FNTB: variants seen among roughly 807,000 people sequenced by gnomAD.
FNTB encodes protein farnesyltransferase subunit beta.
In FNTB, 27 loss-of-function variants were observed where a neutral mutation model predicts 59.4. The observed-to-expected ratio is 0.45, with a 90% CI of 0.34 to 0.63. FNTB has a LOEUF of 0.63. FNTB is among the 20% of genes least tolerant of loss of function. The pLI is 0.02. For missense variants in FNTB, 449 were observed against 559.6 expected, an observed-to-expected ratio of 0.80 and a Z score of 1.99; for synonymous variants, 230 against 220.7, an observed-to-expected ratio of 1.04 and a Z score of -0.37.
chr14:65,055,944 A>G (rs562358507), intron 11 of FNTB, among the ~76,000 whole-genome samples: 83 of 152,232 alleles, frequency 5.5e-4, no homozygotes, highest in African/African-American at 1.8e-3. Context: ...TCCAGGCCCT[A>G]ATTATTTCCC....
rs2062512739 is a variant in FNTB, at chr14:65,047,637, CT to C, written c.955+3197del. ...CATTTAAATTATAAGGGCACTTACC[CT>C]TTGAACACAGCAAGTGCACTGTCAG... On this transcript the variant is annotated intron_variant, in intron 9 of 11. Transcript: ENST00000246166. This position sits in a 1 kb window ranked among gnomAD's most constrained non-coding sequence, Gnocchi z 5.2. Among the ~76,000 whole-genome samples the C allele has an allele frequency of 6.6e-6, 1 of 152,154 alleles. No individual in the cohort carries two copies. The highest frequency in any genetic ancestry group is 1.5e-5 in the Non-Finnish European group (1 of 68,032).
At position 65,011,986 on chromosome 14, in the gene FNTB, G is replaced by A. The variant is rs1000464956; in HGVS notation, c.210-331G>A. ...ACAAAGATATCTGTTCTTAGATGCT[G>A]GAGGAAGTTTCTGGGTGGACTGTCA... On this transcript the variant is annotated intron_variant, in intron 2 of 11. Coordinates refer to ENST00000246166, the MANE Select transcript of FNTB (RefSeq NM_002028.4). This position sits in a 1 kb window ranked among gnomAD's most constrained non-coding sequence, Gnocchi z 4.0. Among the ~76,000 whole-genome samples the A allele has an allele frequency of 4.6e-5, 7 of 152,180 alleles. No individual in the cohort carries two copies. Among genetic ancestry groups the A allele is most frequent in the Non-Finnish European group, 8.8e-5 (6 of 68,032 alleles).
At chr14:65,000,232 A>G (rs1888546291) in intron 1 of FNTB, among the ~76,000 whole-genome samples, 1 of 152,208 alleles carries the variant, frequency 6.6e-6, no homozygotes, top group Non-Finnish European at 1.5e-5. Flanking sequence ...TCATTAACTC[A>G]CTTAGATAAA....
rs1407671762 is a variant in FNTB at position 65,028,635 on chromosome 14, A to G, written c.605+854A>G. 6.6e-6 allele frequency among the ~76,000 whole-genome samples: 1 copy of G among 152,234 alleles called. No homozygotes were observed. Among genetic ancestry groups the G allele is most frequent in the Admixed American group, 6.5e-5 (1 of 15,280 alleles). On this transcript the variant is annotated intron_variant, in intron 6 of 11. Coordinates refer to ENST00000246166, the MANE Select transcript of FNTB (RefSeq NM_002028.4). The surrounding 1 kb of genome is among the most constrained non-coding windows in gnomAD (Gnocchi z 4.4). ...ACGAACATTGTGGAGCATAAAATAC[A>G]TTACAGATAATAGGTAATCAGGCTG... is the stretch of plus-strand genomic sequence containing the variant.
intron 7 of FNTB, among the ~76,000 whole-genome samples, chr14:65,039,814 T>C (rs1384538167): frequency 6.6e-6 from 1 of 152,186 alleles, no homozygotes. Flanking sequence ...TATTTTTTAA[T>C]AGTATACAGG....
chr14:64,989,290 A>G (rs2140032292), intron 1 of FNTB, among the ~76,000 whole-genome samples: 1 of 150,946 alleles, frequency 6.6e-6, no homozygotes, highest in African/African-American at 2.4e-5. Flanking sequence ...AAAAAAAAAA[A>G]AAAAGTAGCT....
At position 65,000,876 on chromosome 14, in the gene FNTB, C is replaced by CAAAAG. The variant is rs753799236; in HGVS notation, c.145-3365_145-3361dup. Among the ~76,000 whole-genome samples the CAAAAG allele has an allele frequency of 3.1e-4, 39 of 124,654 alleles. No homozygotes were observed. In the South Asian group the frequency reaches 8.2e-3, roughly 26 times the overall value. 81.8% of individuals were successfully genotyped at this position (124,654 alleles called of 152,430 possible). A position where few individuals can be genotyped will look rare whatever the true frequency, so the allele number is the denominator to read the frequency against. ...CCCAAAAAGCTGGCTGAAAGAAAAG[C>CAAAAG]AAAAGAAAAGAAGAGGCGATTCCTA... On this transcript the variant is annotated intron_variant, in intron 1 of 11. Transcript: ENST00000246166.
At chr14:65,037,402 C>CTTTTTTTTTTTTTTTTTTTTTT (rs765037575) in intron 7 of FNTB, among the ~76,000 whole-genome samples, 2 of 14,536 alleles carry the variant, frequency 1.4e-4, no homozygotes, top group Non-Finnish European at 2.8e-4. Flanking sequence ...CACGCCGGGC[C>CTTTTTTTTTTTTTTTTTTTTTT]CTTTTTTTTT....
intron 7 of FNTB, among the ~76,000 whole-genome samples, chr14:65,038,349 G>C (rs1169287849): frequency 6.6e-6 from 1 of 151,858 alleles, no homozygotes. Context: ...GGCAGAGGTT[G>C]CAGTGAGCCG....
chr14:65,036,767 C>T (rs1223556037), intron 7 of FNTB, among the ~76,000 whole-genome samples: 4 of 151,982 alleles, frequency 2.6e-5, no homozygotes, highest in Non-Finnish European at 5.9e-5. Context: ...AATCTCAGCT[C>T]ACTGCAACCT....
rs917556936 is a variant in FNTB, at chr14:65,061,535, C to T, written c.*223C>T. The T allele has an allele frequency of 3.1e-6, 2 of 644,822 alleles. No individual in the cohort carries two copies. Among genetic ancestry groups the T allele is most frequent in the African/African-American group, 1.8e-5 (1 of 54,314 alleles). The allele number at this position is 644,822 out of a possible 1,614,324, so 39.9% of individuals were successfully genotyped here. A position where few individuals can be genotyped will look rare whatever the true frequency, so the allele number is the denominator to read the frequency against. On this transcript the variant is annotated 3_prime_UTR_variant, in exon 12 of 12. Coordinates refer to ENST00000246166, the MANE Select transcript of FNTB (RefSeq NM_002028.4). Reference sequence around the variant, plus strand: ...CACACCTGTCAAACCAAAAATCTATCAGCCCACGTGGTGTGGTTGGTGAAC... The same window carrying T: ...CACACCTGTCAAACCAAAAATCTATTAGCCCACGTGGTGTGGTTGGTGAAC...
chr14:65,031,028 G>C lies in FNTB; in HGVS notation c.606-1582G>C, dbSNP rs559038972. On this transcript the variant is annotated intron_variant, in intron 6 of 11. Coordinates refer to ENST00000246166, the MANE Select transcript of FNTB (RefSeq NM_002028.4). This position sits in a 1 kb window ranked among gnomAD's most constrained non-coding sequence, Gnocchi z 4.6. ...TCACCATGTTGGCCAGGCTAGTCTC[G>C]AACTCCTGACCTCAAATAATCCACC... is the stretch of plus-strand genomic sequence containing the variant. Among the ~76,000 whole-genome samples the C allele has an allele frequency of 6.6e-6, 1 of 151,910 alleles. No homozygotes were observed. The highest frequency in any genetic ancestry group is 2.4e-5 in the African/African-American group (1 of 41,336).
rs1288930703 is a variant in FNTB, at chr14:65,044,628, G to A, written c.955+185G>A. ...TGCAGAGTAAGATTTAGTTTCATTGGTTTAGTGTCATTCTTTGCTTCTTCA... is the reference window on the plus strand; with the variant it reads ...TGCAGAGTAAGATTTAGTTTCATTGATTTAGTGTCATTCTTTGCTTCTTCA... On this transcript the variant is annotated intron_variant, in intron 9 of 11. Coordinates refer to ENST00000246166, the MANE Select transcript of FNTB (RefSeq NM_002028.4). This position sits in a 1 kb window ranked among gnomAD's most constrained non-coding sequence, Gnocchi z 5.5. 1.5e-5 allele frequency: 13 copies of A among 873,974 alleles called. No homozygotes were observed. The highest frequency in any genetic ancestry group is 2.1e-5 in the Non-Finnish European group (13 of 616,428). 54.1% of individuals were successfully genotyped at this position (873,974 alleles called of 1,614,324 possible).
At chr14:65,055,226 T>G (rs1032527905) in intron 11 of FNTB, among the ~76,000 whole-genome samples, 2 of 152,188 alleles carry the variant, frequency 1.3e-5, no homozygotes, top group Non-Finnish European at 2.9e-5. Context: ...GAAAAAACAA[T>G]AGCCCTATGA....
intron 11 of FNTB, among the ~76,000 whole-genome samples, chr14:65,056,277 A>G (rs76688468): frequency 0.13 from 19,035 of 152,122 alleles, 2,508 homozygotes; most frequent in African/African-American, 0.34. Flanking sequence ...ATACTCCCTT[A>G]TATAAATGTA....
chr14:65,025,912 G>C (rs576489287), intron 4 of FNTB, among the ~76,000 whole-genome samples: 1 of 152,324 alleles, frequency 6.6e-6, no homozygotes, highest in African/African-American at 2.4e-5. Context: ...GCAAAAAGAA[G>C]TATGTGTTGT....
intron 9 of FNTB, among the ~76,000 whole-genome samples, chr14:65,048,990 G>A (rs1435326036): frequency 6.6e-6 from 1 of 152,264 alleles, no homozygotes; most frequent in South Asian, 2.1e-4. Context: ...GCCAGGCATG[G>A]TGCCACGTTG....
intron 9 of FNTB, among the ~76,000 whole-genome samples, chr14:65,045,808 C>T (rs1037249717): frequency 6.6e-6 from 1 of 152,150 alleles, no homozygotes; most frequent in African/African-American, 2.4e-5. Context: ...GCCTCTGTCC[C>T]ATTTTCCCGG....
At chr14:65,033,941 A>T (rs1207939126) in intron 7 of FNTB, among the ~76,000 whole-genome samples, 1 of 152,200 alleles carries the variant, frequency 6.6e-6, no homozygotes, top group Non-Finnish European at 1.5e-5. Context: ...AGTTAAAAAA[A>T]TTTTATTTTT....
Sources: gnomAD v4.1 joint callset for allele counts (sites outside exome capture counted in the v4.1 genomes callset) on GRCh38, gnomAD v4.1.1 for gene constraint, Gnocchi (gnomAD v3.1) non-coding constraint, MANE v1.5 for transcripts, NCBI Gene and HGNC (gene_info 2026-07-23, HGNC 2026-07-21) for gene names.